GPBP1: variants seen among roughly 807,000 people sequenced by gnomAD.
GPBP1 encodes the protein GC-rich promoter binding protein 1, also known as vasculin.
GPBP1 carries 13 observed loss-of-function variants against 56.5 expected under a neutral mutation model. The observed-to-expected ratio is 0.23, with a 90% CI of 0.15 to 0.37. The LOEUF is 0.37. GPBP1 is among the 10% of genes least tolerant of loss of function. The probability of loss-of-function intolerance (pLI) is 1.00; values close to 1 mark genes in which losing one functional copy is unlikely to be tolerated. For missense variants in GPBP1, 477 were observed against 572.3 expected, an observed-to-expected ratio of 0.83 and a Z score of 1.70; for synonymous variants, 204 against 188.9, an observed-to-expected ratio of 1.08 and a Z score of -0.66.
In GPBP1 at chr5:57,263,823, T is replaced by G. The variant is rs150285037; in HGVS notation, c.*1071T>G. The G allele has an allele frequency of 6.6e-6, 1 of 152,204 alleles. No homozygotes were observed. The highest frequency in any genetic ancestry group is 1.5e-5 in the Non-Finnish European group (1 of 68,016). The allele number at this position is 152,204 out of a possible 1,614,324, so 9.4% of individuals were successfully genotyped here. A position where few individuals can be genotyped will look rare whatever the true frequency, so the allele number is the denominator to read the frequency against. ...TTTGCACATTAATTTTGGAATTGTTTCTGTTTTGCTGCTGACGGAAATACT... is the reference window on the plus strand; with the variant it reads ...TTTGCACATTAATTTTGGAATTGTTGCTGTTTTGCTGCTGACGGAAATACT... On this transcript the variant is annotated 3_prime_UTR_variant, in exon 12 of 12. Coordinates refer to ENST00000506184, the MANE Select transcript of GPBP1 (RefSeq NM_022913.4).
At chr5:57,252,888 T>C (rs1429375888) in intron 10 of GPBP1, among the ~76,000 whole-genome samples, 3 of 151,864 alleles carry the variant, frequency 2.0e-5, no homozygotes, top group Non-Finnish European at 4.4e-5. Context: ...TTTTGTCTTT[T>C]AGTAGAGATG....
intron 3 of GPBP1, among the ~76,000 whole-genome samples, chr5:57,224,537 C>T (rs766242834): frequency 1.2e-4 from 19 of 152,152 alleles, no homozygotes; most frequent in Non-Finnish European, 2.6e-4. Context: ...GCCACTGTGC[C>T]TGTCCTCAAA....
intron 3 of GPBP1, among the ~76,000 whole-genome samples, chr5:57,223,044 AT>A (rs34631323): frequency 1.5e-4 from 22 of 150,274 alleles, no homozygotes; most frequent in African/African-American, 3.2e-4. Flanking sequence ...TTTTATTAAA[AT>A]TTTTTTTTTC....
At chr5:57,229,975 C>CCCGTCCCG (rs1554070454) in intron 3 of GPBP1, among the ~76,000 whole-genome samples, 3 of 150,540 alleles carry the variant, frequency 2.0e-5, no homozygotes, top group South Asian at 2.1e-4. Context: ...CCCGTCCCTT[C>CCCGTCCCG]TCACATGCAA....
chr5:57,193,264 C>T (rs1754605710), intron 2 of GPBP1, among the ~76,000 whole-genome samples: 1 of 152,028 alleles, frequency 6.6e-6, no homozygotes, highest in Admixed American at 6.6e-5. Flanking sequence ...TGCAGTGAGC[C>T]GAGATCGAGC....
rs750274461 is a variant in GPBP1, at chr5:57,230,999, G to A, written c.187+30G>A. Reference sequence around the variant, plus strand: ...AATTTGCTAAGGAATGATGTTTATGGCTAATTTTCTTTATGATTTTTAAAG... The same window carrying A: ...AATTTGCTAAGGAATGATGTTTATGACTAATTTTCTTTATGATTTTTAAAG... On this transcript the variant is annotated intron_variant, in intron 4 of 11. Coordinates refer to ENST00000506184, the MANE Select transcript of GPBP1 (RefSeq NM_022913.4). 59 of 1,585,634 alleles carry A rather than the reference G, an allele frequency of 3.7e-5. No homozygotes were observed. The East Asian group carries it at 1.3e-3, about 36-fold the overall frequency.
intron 2 of GPBP1, among the ~76,000 whole-genome samples, chr5:57,189,144 C>T (rs1372166141): frequency 6.6e-6 from 1 of 151,836 alleles, no homozygotes; most frequent in African/African-American, 2.4e-5. Context: ...TTTTGGAAGA[C>T]AGTCTCGCTC....
chr5:57,181,988 T>C (rs1300692735), intron 2 of GPBP1, among the ~76,000 whole-genome samples: 1 of 152,162 alleles, frequency 6.6e-6, no homozygotes, highest in Non-Finnish European at 1.5e-5. Flanking sequence ...TCTTTTTATA[T>C]ACAAGATATG....
intron 3 of GPBP1, among the ~76,000 whole-genome samples, chr5:57,223,120 A>G (rs955432064): frequency 1.3e-5 from 2 of 148,428 alleles, no homozygotes; most frequent in African/African-American, 4.9e-5. Context: ...AGCTTGTTTG[A>G]TATTTTAAAA....
At chr5:57,234,462 G>C (rs1375796022) in intron 5 of GPBP1, among the ~76,000 whole-genome samples, 1 of 152,214 alleles carries the variant, frequency 6.6e-6, no homozygotes, top group Non-Finnish European at 1.5e-5. Context: ...TTGGGGCTGG[G>C]TTCAGTGGCT....
At chr5:57,219,272 A>AG (rs1300801639) in intron 3 of GPBP1, among the ~76,000 whole-genome samples, 2 of 147,670 alleles carry the variant, frequency 1.4e-5, no homozygotes, top group Non-Finnish European at 3.0e-5. Flanking sequence ...GCTACTCGGG[A>AG]GGCTGAGGCA....
At chr5:57,227,045 CT>C (rs1756231096) in intron 3 of GPBP1, among the ~76,000 whole-genome samples, 1 of 151,120 alleles carries the variant, frequency 6.6e-6, no homozygotes, top group Admixed American at 6.6e-5. Flanking sequence ...GGCCTGTATT[CT>C]TTTGAAATTA....
rs188758376 is a variant in GPBP1, at chr5:57,177,724, C to T, written c.-58+1324C>T. Among the ~76,000 whole-genome samples the T allele has an allele frequency of 3.0e-5, 4 of 134,358 alleles. No homozygotes were observed. In the East Asian group the frequency reaches 8.0e-4, roughly 27 times the overall value. The allele number at this position is 134,358 out of a possible 152,430, so 88.1% of individuals were successfully genotyped here. On this transcript the variant is annotated intron_variant, in intron 2 of 11. Transcript: ENST00000506184. The stretch of plus-strand genomic sequence containing the variant: ...CCTTGTTGGTCAGGCTAGCCTCGAA[C>T]TCTTGACCTCAGGTGATCCTTGCGC...
chr5:57,239,183 AAGT>A (rs1433894023), intron 6 of GPBP1, among the ~76,000 whole-genome samples: 2 of 152,188 alleles, frequency 1.3e-5, no homozygotes, highest in African/African-American at 4.8e-5. Flanking sequence ...TTTAAGAAAA[AAGT>A]AGTACAACGT....
chr5:57,250,554 T>G (rs1741333333), intron 9 of GPBP1, among the ~76,000 whole-genome samples: 1 of 151,726 alleles, frequency 6.6e-6, no homozygotes, highest in East Asian at 1.9e-4. Flanking sequence ...GTTGGTTTTT[T>G]TTTTTTTTTT....
At chr5:57,214,881 C>CT (rs1478601487) in intron 3 of GPBP1, among the ~76,000 whole-genome samples, 2 of 152,188 alleles carry the variant, frequency 1.3e-5, no homozygotes, top group Non-Finnish European at 2.9e-5. Context: ...AGGCTGGTCT[C>CT]TAACGCCTGA....
At chr5:57,212,051 G>A (rs887848451) in intron 2 of GPBP1, among the ~76,000 whole-genome samples, 12 of 151,296 alleles carry the variant, frequency 7.9e-5, no homozygotes, top group African/African-American at 2.4e-4. Flanking sequence ...ATTTTCCTGC[G>A]TCAGCCCCCT....
chr5:57,239,140 CTT>C (rs1443583275), intron 6 of GPBP1, among the ~76,000 whole-genome samples: 5 of 152,172 alleles, frequency 3.3e-5, no homozygotes, highest in African/African-American at 1.2e-4. Flanking sequence ...TAATATCTGT[CTT>C]ATATGAAAAC....
At chr5:57,177,298 C>T (rs1306855877) in intron 2 of GPBP1, among the ~76,000 whole-genome samples, 1 of 152,020 alleles carries the variant, frequency 6.6e-6, no homozygotes, top group African/African-American at 2.4e-5. Flanking sequence ...TTAGTTACTA[C>T]ATTTAATTTT....
Sources: gnomAD v4.1 joint callset for allele counts (sites outside exome capture counted in the v4.1 genomes callset) on GRCh38, gnomAD v4.1.1 for gene constraint, MANE v1.5 for transcripts, NCBI Gene and HGNC (gene_info 2026-07-23, HGNC 2026-07-21) for gene names.